The following CDH2 variants were observed in gnomAD, a reference collection of about 807,000 sequenced individuals.
CDH2 encodes cadherin-2.
CDH2 carries 17 observed loss-of-function variants against 92.0 expected under a neutral mutation model. The ratio of observed to expected loss-of-function variants is 0.18; its 90% CI spans 0.13 to 0.28. The LOEUF (loss-of-function observed/expected upper bound fraction) is 0.28. Ranked by LOEUF, CDH2 falls within the 10% of genes least tolerant of loss-of-function variation. The pLI, the probability that CDH2 is intolerant of heterozygous loss-of-function variation, is 1.00. For synonymous variants in CDH2, 419 were observed against 415.9 expected (o/e 1.01, Z -0.09); for missense variants, 862 against 1,133.1 (o/e 0.76, Z 3.44).
intron 2 of CDH2, among the ~76,000 whole-genome samples, chr18:28,056,396 T>C (rs572223553): frequency 6.6e-6 from 1 of 152,274 alleles, no homozygotes; most frequent in East Asian, 1.9e-4. Context: ...GGTAAAAGGC[T>C]TTTATCTTTT....
intron 14 of CDH2, among the ~76,000 whole-genome samples, chr18:27,964,871 G>GAGTT (rs1008814700): frequency 1.3e-5 from 2 of 152,132 alleles, no homozygotes; most frequent in Non-Finnish European, 2.9e-5. Flanking sequence ...AATCAAGACT[G>GAGTT]AGTTACAAGG....
At chr18:28,136,619 C>T (rs1427732264) in intron 2 of CDH2, among the ~76,000 whole-genome samples, 1 of 152,002 alleles carries the variant, frequency 6.6e-6, no homozygotes, top group African/African-American at 2.4e-5. Context: ...GTAATGTCTA[C>T]CCAAAGACAT....
intron 9 of CDH2, among the ~76,000 whole-genome samples, chr18:27,991,755 C>T (rs2012423914): frequency 1.3e-5 from 2 of 152,188 alleles, no homozygotes; most frequent in African/African-American, 4.8e-5. Context: ...CTGAGAGTTT[C>T]CATTCCCATT....
chr18:28,137,088 A>C (rs180871907), intron 2 of CDH2, among the ~76,000 whole-genome samples: 2 of 152,248 alleles, frequency 1.3e-5, no homozygotes, highest in East Asian at 3.8e-4. Context: ...AGAATAAGGT[A>C]GCAGTCAATT....
intron 2 of CDH2, among the ~76,000 whole-genome samples, chr18:28,018,348 A>T (rs1355687033): frequency 1.3e-5 from 2 of 152,154 alleles, no homozygotes; most frequent in African/African-American, 4.8e-5. Flanking sequence ...TGCAATTCCC[A>T]TCAAAATGCC....
At chr18:28,097,137 A>G (rs1009047630) in intron 2 of CDH2, 4 of 152,238 alleles carry the variant, frequency 2.6e-5, no homozygotes, top group African/African-American at 7.2e-5. Flanking sequence ...CTGACGGTGT[A>G]CCCGCTCTGA....
chr18:28,061,894 T>A (rs961425202), intron 2 of CDH2, among the ~76,000 whole-genome samples: 1 of 152,140 alleles, frequency 6.6e-6, no homozygotes, highest in African/African-American at 2.4e-5. Context: ...GCCCCATGAT[T>A]CAATTACCTC....
intron 6 of CDH2, among the ~76,000 whole-genome samples, chr18:27,936,224 T>C (rs1022927154): frequency 1.3e-5 from 2 of 152,236 alleles, no homozygotes; most frequent in African/African-American, 4.8e-5. Flanking sequence ...AGGTCTTTTA[T>C]ATACCTTTTC....
intron 2 of CDH2, among the ~76,000 whole-genome samples, chr18:28,041,092 G>T (rs1599055941): frequency 6.6e-6 from 1 of 152,092 alleles, no homozygotes; most frequent in East Asian, 1.9e-4. Flanking sequence ...CTGGGGAGGG[G>T]TCCACAATGA....
chr18:28,131,051 C>A (rs1012004152), intron 2 of CDH2, among the ~76,000 whole-genome samples: 9 of 152,092 alleles, frequency 5.9e-5, no homozygotes, highest in African/African-American at 2.2e-4. Flanking sequence ...ATAAACAGTT[C>A]CAAAAATCCA....
intron 2 of CDH2, among the ~76,000 whole-genome samples, chr18:28,064,899 C>A (rs899054834): frequency 1.3e-5 from 2 of 152,114 alleles, no homozygotes; most frequent in Non-Finnish European, 2.9e-5. Flanking sequence ...TTACTCAGGG[C>A]CTGAAAGTGA....
intron 7 of CDH2, among the ~76,000 whole-genome samples, chr18:28,002,693 C>G (rs1258877316): frequency 2.0e-5 from 3 of 152,002 alleles, no homozygotes; most frequent in Admixed American, 6.6e-5. Context: ...CTCACAAAAA[C>G]CTTTGACTAT....
intron 2 of CDH2, among the ~76,000 whole-genome samples, chr18:28,082,196 C>T (rs772833015): frequency 7.9e-5 from 12 of 151,968 alleles, no homozygotes; most frequent in Non-Finnish European, 1.2e-4. Context: ...TGCTTGAGCC[C>T]AGGAGTTAGA....
intron 2 of CDH2, among the ~76,000 whole-genome samples, chr18:28,099,820 G>GAA (rs1448699061): frequency 6.6e-6 from 1 of 152,078 alleles, no homozygotes; most frequent in Non-Finnish European, 1.5e-5. Context: ...GATCTCTTTT[G>GAA]AAAATCTTAC....
chr18:28,011,609 G>T (rs1432704222), intron 4 of CDH2, among the ~76,000 whole-genome samples: 1 of 152,126 alleles, frequency 6.6e-6, no homozygotes, highest in African/African-American at 2.4e-5. Context: ...AACTGAACAA[G>T]CTTTCTAATC....
At chr18:28,056,906 G>T (rs955156969) in intron 2 of CDH2, among the ~76,000 whole-genome samples, 9 of 152,076 alleles carry the variant, frequency 5.9e-5, no homozygotes, top group African/African-American at 2.2e-4. Flanking sequence ...ATATGTTATT[G>T]GTATGTTCCA....
At chr18:28,011,698 T>A in intron 4 of CDH2, 148 bp downstream of exon 4, 1 of 740,556 alleles carries the variant, frequency 1.4e-6, no homozygotes, top group African/African-American at 1.8e-5. Context: ...AGAGGCTTTC[T>A]ACAACACTAC....
At chr18:28,083,077 T>C (rs1460160947) in intron 2 of CDH2, among the ~76,000 whole-genome samples, 1 of 152,150 alleles carries the variant, frequency 6.6e-6, no homozygotes, top group Non-Finnish European at 1.5e-5. Flanking sequence ...GGGAGAGACT[T>C]GGTAAAACAT....
chr18:27,971,590 C>CTT (rs1327206186), intron 14 of CDH2, among the ~76,000 whole-genome samples: 1 of 152,120 alleles, frequency 6.6e-6, no homozygotes, highest in African/African-American at 2.4e-5. Context: ...AGAACACATG[C>CTT]TTTTACAGCC....
Sources: allele counts gnomAD v4.1 joint callset (sites outside exome capture counted in the v4.1 genomes callset), GRCh38; gene constraint gnomAD v4.1.1; transcripts MANE v1.5; gene names NCBI Gene and HGNC (gene_info 2026-07-23, HGNC 2026-07-21).